Variants in JAZF1 observed in about 807,000 individuals in gnomAD.
The protein encoded by JAZF1 is juxtaposed with another zinc finger protein 1.
Under a neutral mutation model 26.4 loss-of-function variants are expected in JAZF1, and 8 were observed. The ratio of observed to expected loss-of-function variants is 0.30; its 90% CI spans 0.18 to 0.55. The LOEUF is 0.55. Ranked by LOEUF, JAZF1 falls within the 20% of genes least tolerant of loss-of-function variation. JAZF1 has a pLI of 0.94. For missense variants in JAZF1, 199 were observed against 322.0 expected (o/e 0.62, Z 2.92); for synonymous variants, 126 against 122.3 (o/e 1.03, Z -0.20).
chr7:28,128,206 A>G (rs1782730076), intron 1 of JAZF1, among the ~76,000 whole-genome samples: 1 of 152,134 alleles, frequency 6.6e-6, no homozygotes, highest in South Asian at 2.1e-4. Context: ...GTAGCAGCTG[A>G]TGCAACACCT....
intron 2 of JAZF1, among the ~76,000 whole-genome samples, chr7:27,903,592 G>A (rs997736577): frequency 5.3e-5 from 8 of 152,134 alleles, no homozygotes; most frequent in Non-Finnish European, 1.0e-4. Context: ...GAAAAAGAAG[G>A]TTCCTCTCAT....
intron 2 of JAZF1, among the ~76,000 whole-genome samples, chr7:27,927,695 A>G (rs112668456): frequency 6.6e-6 from 1 of 152,156 alleles, no homozygotes; most frequent in Non-Finnish European, 1.5e-5. Flanking sequence ...GATGTTTTTT[A>G]TATTGCAATA....
chr7:27,940,837 A>G (rs1784836329), intron 2 of JAZF1, among the ~76,000 whole-genome samples: 1 of 152,264 alleles, frequency 6.6e-6, no homozygotes, highest in Non-Finnish European at 1.5e-5. Flanking sequence ...AATTTACTGT[A>G]TTCATAAATA....
intron 3 of JAZF1, among the ~76,000 whole-genome samples, chr7:27,894,935 GC>G (rs1237755506): frequency 6.6e-6 from 1 of 152,078 alleles, no homozygotes; most frequent in East Asian, 1.9e-4. Context: ...GTATTACAGA[GC>G]CCATTAAAAA....
chr7:27,992,241 C>T lies in JAZF1; in HGVS notation c.116-260G>A, dbSNP rs535953533. The stretch of plus-strand genomic sequence containing the variant: ...TCACACAAACTCTTGCACAATCCCC[C>T]TTATAAATATTGGTTTTCACTGCTT... On this transcript the variant is annotated intron_variant, in intron 1 of 4. Transcript: ENST00000283928. The T allele has an allele frequency of 4.9e-5, 27 of 551,766 alleles. No individual in the cohort carries two copies. The East Asian group carries it at 9.6e-4, about 20-fold the overall frequency. The allele number at this position is 551,766 out of a possible 1,614,324, so 34.2% of individuals were successfully genotyped here. A position where few individuals can be genotyped will look rare whatever the true frequency, so the allele number is the denominator to read the frequency against.
intron 3 of JAZF1, among the ~76,000 whole-genome samples, chr7:27,873,534 T>G (rs984125096): frequency 1.3e-5 from 2 of 152,108 alleles, no homozygotes; most frequent in African/African-American, 4.8e-5. Flanking sequence ...TACACAACAC[T>G]CAGCCCACCC....
chr7:28,027,951 G>A (rs1226174312), intron 1 of JAZF1, among the ~76,000 whole-genome samples: 2 of 152,152 alleles, frequency 1.3e-5, no homozygotes, highest in East Asian at 3.8e-4. Context: ...TCAGAGTTAT[G>A]AAGGGACCCA....
chr7:28,010,253 A>G (rs1255756686), intron 1 of JAZF1, among the ~76,000 whole-genome samples: 1 of 150,786 alleles, frequency 6.6e-6, no homozygotes, highest in Non-Finnish European at 1.5e-5. Context: ...TTGTTCTCCT[A>G]CTCCCTCCTA....
intron 3 of JAZF1, among the ~76,000 whole-genome samples, chr7:27,887,771 T>C (rs1479052952): frequency 6.6e-6 from 1 of 152,174 alleles, no homozygotes; most frequent in African/African-American, 2.4e-5. Flanking sequence ...GGTTTTTTTC[T>C]AAGTGGTATA....
chr7:27,977,319 T>A (rs1424111863), intron 2 of JAZF1, among the ~76,000 whole-genome samples: 3 of 152,234 alleles, frequency 2.0e-5, no homozygotes, highest in Non-Finnish European at 4.4e-5. Flanking sequence ...ATACATCTCT[T>A]AAAAGCCCAA....
chr7:28,154,200 A>C (rs993876813), intron 1 of JAZF1, among the ~76,000 whole-genome samples: 1 of 152,226 alleles, frequency 6.6e-6, no homozygotes, highest in Non-Finnish European at 1.5e-5. Context: ...TGCAAAGCGC[A>C]GATGAGCTTT....
At chr7:28,114,376 G>A (rs1368867511) in intron 1 of JAZF1, among the ~76,000 whole-genome samples, 1 of 151,848 alleles carries the variant, frequency 6.6e-6, no homozygotes, top group East Asian at 1.9e-4. Flanking sequence ...ACTCACTGCG[G>A]GTTTGGTGCT....
intron 2 of JAZF1, chr7:27,914,677 T>C (rs539164815): frequency 2.1e-6 from 1 of 467,674 alleles, no homozygotes; most frequent in East Asian, 7.0e-5. Context: ...CAATTGTTAC[T>C]AGATCTCCCA....
intron 3 of JAZF1, among the ~76,000 whole-genome samples, chr7:27,885,157 G>A (rs1350365468): frequency 6.6e-6 from 1 of 152,152 alleles, no homozygotes; most frequent in Non-Finnish European, 1.5e-5. Context: ...CACCTTAAAG[G>A]GAATCTGAAA....
intron 2 of JAZF1, among the ~76,000 whole-genome samples, chr7:27,918,434 A>G (rs1398613030): frequency 1.3e-5 from 2 of 152,152 alleles, no homozygotes; most frequent in Non-Finnish European, 2.9e-5. Context: ...CATATATATT[A>G]GTATCACCTC....
intron 4 of JAZF1, among the ~76,000 whole-genome samples, chr7:27,834,896 A>AAGAG (rs1782775917): frequency 1.3e-5 from 2 of 151,930 alleles, no homozygotes; most frequent in South Asian, 4.2e-4. Flanking sequence ...GAGAGACAGA[A>AAGAG]AGAGAGTGAA....
At chr7:27,863,518 C>T (rs1002730021) in intron 3 of JAZF1, among the ~76,000 whole-genome samples, 5 of 152,358 alleles carry the variant, frequency 3.3e-5, no homozygotes, top group East Asian at 3.9e-4. Flanking sequence ...GCACAACCTC[C>T]GTACCTGGGT....
At chr7:28,064,966 G>T (rs748519520) in intron 1 of JAZF1, among the ~76,000 whole-genome samples, 1 of 152,122 alleles carries the variant, frequency 6.6e-6, no homozygotes, top group Non-Finnish European at 1.5e-5. Context: ...AGTGTGAAGG[G>T]CATTTGTAGA....
chr7:28,024,658 T>C (rs1002982384), intron 1 of JAZF1, among the ~76,000 whole-genome samples: 1 of 152,172 alleles, frequency 6.6e-6, no homozygotes, highest in Non-Finnish European at 1.5e-5. Context: ...AAAATACCAA[T>C]GATGCAGTGT....
Sources: gnomAD v4.1 joint callset for allele counts (sites outside exome capture counted in the v4.1 genomes callset) on GRCh38, gnomAD v4.1.1 for gene constraint, MANE v1.5 for transcripts, NCBI Gene and HGNC (gene_info 2026-07-23, HGNC 2026-07-21) for gene names.